WDR5: variants seen among roughly 807,000 people sequenced by gnomAD.
WDR5 encodes the protein WD repeat domain 5.
For missense variants in WDR5, 187 were observed against 416.9 expected (o/e 0.45, Z 4.80); for synonymous variants, 144 against 161.6 (o/e 0.89, Z 0.83).
chr9:134,141,687 T>G (rs527577154), intron 4 of WDR5, 104 bp downstream of exon 4: 1 of 1,251,720 alleles, frequency 8.0e-7, no homozygotes, highest in Admixed American at 2.3e-5. Flanking sequence ...GTTTTAAGTT[T>G]TCCCCGTTTT....
intron 9 of WDR5, among the ~76,000 whole-genome samples, chr9:134,153,568 T>C (rs77662233): frequency 0.023 from 3,477 of 152,302 alleles, 129 homozygotes; most frequent in African/African-American, 0.079. Flanking sequence ...GGTGTGCCCC[T>C]GAGGGAGGGA....
intron 1 of WDR5, among the ~76,000 whole-genome samples, chr9:134,136,849 C>T (rs1831588554): frequency 6.6e-6 from 1 of 152,166 alleles, no homozygotes. Flanking sequence ...TGCTGTCTCG[C>T]TTGCAAGTTT....
chr9:134,141,498 G>A lies in WDR5; in HGVS notation c.191-12G>A. ...CCTGCTCTTAGCCTCAGATCCTTTT[G>A]TTTTCTTTCAGCTGCTGATAAACTT... On this transcript the variant is annotated splice_polypyrimidine_tract_variant and intron_variant, in intron 3 of 13. Coordinates refer to ENST00000358625, the MANE Select transcript of WDR5 (RefSeq NM_017588.3). 6.2e-7 allele frequency: 1 copy of A among 1,613,832 alleles called. No homozygotes were observed. Among genetic ancestry groups the A allele is most frequent in the Non-Finnish European group, 8.5e-7 (1 of 1,179,850 alleles).
In WDR5 at chr9:134,142,809, C is replaced by A. The variant is rs1588170474; in HGVS notation, c.528+90C>A. ...CAGCTGTCTCCCTGAGGGGCGTAAG[C>A]CTGGCCATGGCCTGTGCCTAGCTGA... On this transcript the variant is annotated intron_variant, in intron 7 of 13. Coordinates refer to ENST00000358625, the MANE Select transcript of WDR5 (RefSeq NM_017588.3). 5.0e-5 allele frequency: 67 copies of A among 1,350,906 alleles called. No individual in the cohort carries two copies. The East Asian group carries it at 1.4e-3, about 29-fold the overall frequency. The allele number at this position is 1,350,906 out of a possible 1,614,324, so 83.7% of individuals were successfully genotyped here.
rs777632287 is a variant in WDR5 at position 134,148,292 on chromosome 9, A to G, written c.533A>G (p.His178Arg). The G allele has an allele frequency of 1.9e-6, 3 of 1,570,108 alleles. No homozygotes were observed. The highest frequency in any genetic ancestry group is 2.6e-6 in the Non-Finnish European group (3 of 1,160,724). The change falls in exon 8 of 14, where the codon CAT (histidine) becomes CGT (arginine). Residue 178 changes from histidine to arginine, a missense_variant. By Grantham distance (29) the His-to-Arg change is conservative. Coordinates refer to ENST00000358625, the MANE Select transcript of WDR5 (RefSeq NM_017588.3). The stretch of plus-strand genomic sequence containing the variant: ...CTTCCTCTCCTTAATTCCTAGGTTC[A>G]TTTTAATCGTGATGGATCCTTGATA... ...PAHSDPVSAV[H>R]FNRDGSLIVS...
Position 134,154,422 on chromosome 9 carries a change from GCTGT to G in WDR5, c.632-42_632-39del, listed in dbSNP as rs774555971. On this transcript the variant is annotated intron_variant, in intron 9 of 13. Coordinates refer to ENST00000358625, the MANE Select transcript of WDR5 (RefSeq NM_017588.3). Reference sequence around the variant, plus strand: ...GGGTCCCACCTCCTGTCCCTGCCTGGCTGTCAGCGCCCGCCGTGTGTCACCTGTC... The same window carrying G: ...GGGTCCCACCTCCTGTCCCTGCCTGGCAGCGCCCGCCGTGTGTCACCTGTC... The G allele has an allele frequency of 7.5e-4, 1,209 of 1,605,486 alleles. 1 individual carries two copies. Among genetic ancestry groups the G allele is most frequent in the Non-Finnish European group, 1.0e-3 (1,175 of 1,172,348 alleles).
rs11556389 is a variant in WDR5, at chr9:134,159,171, C to T, written c.*1178C>T. ...CCTGCACAGCAGTTAACAGCAGAGG[C>T]CGAGCGGGAGCCTCTGGGGAGCGAG... On this transcript the variant is annotated 3_prime_UTR_variant, in exon 14 of 14. Transcript: ENST00000358625. This position sits in a 1 kb window ranked among gnomAD's most constrained non-coding sequence, Gnocchi z 4.3. The T allele has an allele frequency of 0.027, 4,062 of 152,388 alleles. 96 individuals are homozygous for T. Among genetic ancestry groups the T allele is most frequent in the African/African-American group, 0.064 (2,654 of 41,538 alleles). 9.4% of individuals were successfully genotyped at this position (152,388 alleles called of 1,614,324 possible).
intron 11 of WDR5, 101 bp downstream of exon 11, chr9:134,155,474 C>T (rs1832706389): frequency 1.4e-6 from 2 of 1,461,322 alleles, no homozygotes; most frequent in Non-Finnish European, 9.2e-7. Flanking sequence ...GAGAGGAGCT[C>T]AGAGAGCCAT....
intron 9 of WDR5, among the ~76,000 whole-genome samples, chr9:134,153,750 T>TGG (rs374478562): frequency 2.6e-5 from 4 of 151,638 alleles, no homozygotes; most frequent in South Asian, 2.1e-4. Context: ...TGGGGGTCGG[T>TGG]GGGGGTCTCT....
At chr9:134,141,234 T>A (rs1442472562) in intron 3 of WDR5, among the ~76,000 whole-genome samples, 1 of 152,036 alleles carries the variant, frequency 6.6e-6, no homozygotes, top group African/African-American at 2.4e-5. Flanking sequence ...TGCAGTGAGC[T>A]GAGATCATGC....
At chr9:134,143,905 G>C (rs932707455) in intron 7 of WDR5, among the ~76,000 whole-genome samples, 5 of 152,012 alleles carry the variant, frequency 3.3e-5, no homozygotes, top group Non-Finnish European at 7.4e-5. Flanking sequence ...ATTTCACAAA[G>C]TGGCCAGAAA....
chr9:134,144,924 C>T (rs1285531507), intron 7 of WDR5, among the ~76,000 whole-genome samples: 1 of 151,938 alleles, frequency 6.6e-6, no homozygotes, highest in African/African-American at 2.4e-5. Context: ...GAGGTGGAGT[C>T]GGTCCCTCTG....
In WDR5 at chr9:134,157,810, A is replaced by G; in HGVS notation, c.905-83A>G. On this transcript the variant is annotated intron_variant, in intron 13 of 13. Coordinates refer to ENST00000358625, the MANE Select transcript of WDR5 (RefSeq NM_017588.3). This position sits in a 1 kb window ranked among gnomAD's most constrained non-coding sequence, Gnocchi z 5.0. ...GGGCAGGCGCTACCCGCGTTTCTGG[A>G]GAAAGGTGGAGCTCAGTCTGGGATG... The G allele has an allele frequency of 1.5e-6, 2 of 1,370,654 alleles. No individual in the cohort carries two copies. Among genetic ancestry groups the G allele is most frequent in the Non-Finnish European group, 1.0e-6 (1 of 969,258 alleles). The allele number at this position is 1,370,654 out of a possible 1,614,324, so 84.9% of individuals were successfully genotyped here. A position where few individuals can be genotyped will look rare whatever the true frequency, so the allele number is the denominator to read the frequency against.
At chr9:134,156,187 CAT>C (rs1057328185) in intron 12 of WDR5, among the ~76,000 whole-genome samples, 5 of 152,378 alleles carry the variant, frequency 3.3e-5, no homozygotes, top group African/African-American at 7.2e-5. Context: ...ACTCGGGCAA[CAT>C]GTGTGTGACA....
intron 9 of WDR5, among the ~76,000 whole-genome samples, chr9:134,153,380 C>G (rs1832590041): frequency 6.6e-6 from 1 of 152,188 alleles, no homozygotes; most frequent in South Asian, 2.1e-4. Context: ...CTCCTCAGGT[C>G]TAGCGAGTTA....
intron 8 of WDR5, among the ~76,000 whole-genome samples, chr9:134,149,111 A>C (rs371513531): frequency 2.6e-5 from 4 of 152,220 alleles, no homozygotes; most frequent in South Asian, 2.1e-4. Flanking sequence ...GCACACTCGA[A>C]ATCTGTTTCC....
At position 134,153,781 on chromosome 9, in the gene WDR5, C is replaced by T. The variant is rs377085949; in HGVS notation, c.632-685C>T. ...TCTCTGGTGGGGCCCAGGGGTGGGG[C>T]CTGCACCAGGACACACCTTCCTTGA... On this transcript the variant is annotated intron_variant, in intron 9 of 13. Coordinates refer to ENST00000358625, the MANE Select transcript of WDR5 (RefSeq NM_017588.3). 1.4e-4 allele frequency among the ~76,000 whole-genome samples: 22 copies of T among 152,140 alleles called. No homozygotes were observed. The East Asian group carries it at 3.7e-3, about 26-fold the overall frequency.
At chr9:134,137,373 C>CT (rs1230291519) in intron 1 of WDR5, among the ~76,000 whole-genome samples, 1 of 152,094 alleles carries the variant, frequency 6.6e-6, no homozygotes, top group Non-Finnish European at 1.5e-5. Context: ...ACAGAGACAC[C>CT]TGAGTGTTCA....
chr9:134,147,147 C>A (rs1327777158), intron 7 of WDR5, among the ~76,000 whole-genome samples: 1 of 152,238 alleles, frequency 6.6e-6, no homozygotes, highest in Non-Finnish European at 1.5e-5. Context: ...TACATGTTAC[C>A]AAAGTAATTT....
Sources: gnomAD v4.1 joint callset for allele counts (sites outside exome capture counted in the v4.1 genomes callset) on GRCh38, gnomAD v4.1.1 for gene constraint, Gnocchi (gnomAD v3.1) non-coding constraint, MANE v1.5 for transcripts, NCBI Gene and HGNC (gene_info 2026-07-23, HGNC 2026-07-21) for gene names.